Variants in ELP4 observed in about 807,000 individuals in gnomAD.
ELP4 encodes elongator acetyltransferase complex subunit 4, also known as elongator complex protein 4.
A neutral mutation model predicts 48.9 loss-of-function variants in ELP4; 51 were observed. That is an observed-to-expected ratio of 1.04 (90% CI 0.83 to 1.32). The LOEUF (loss-of-function observed/expected upper bound fraction) is 1.32. Among genes scored for constraint, ELP4 ranks in the 40% most tolerant of loss-of-function variants. The pLI, the probability that ELP4 is intolerant of heterozygous loss-of-function variation, is 0.00. For synonymous variants in ELP4, 210 were observed against 189.2 expected, an observed-to-expected ratio of 1.11 and a Z score of -0.90; for missense variants, 519 against 514.6, an observed-to-expected ratio of 1.01 and a Z score of -0.08.
chr11:31,657,154 A>G (rs1945455050), intron 9 of ELP4, among the ~76,000 whole-genome samples: 2 of 152,072 alleles, frequency 1.3e-5, no homozygotes, highest in African/African-American at 2.4e-5. Flanking sequence ...TGATGTAGGT[A>G]GTTTTACAGA....
At chr11:31,621,396 T>A (rs1034740771) in intron 5 of ELP4, among the ~76,000 whole-genome samples, 3 of 151,940 alleles carry the variant, frequency 2.0e-5, no homozygotes, top group Admixed American at 2.0e-4. Flanking sequence ...AAGCAATGAC[T>A]GATTTTAATG....
chr11:31,663,712 G>A (rs1388826924), intron 9 of ELP4: 3 of 151,784 alleles, frequency 2.0e-5, no homozygotes, highest in Non-Finnish European at 4.4e-5. Flanking sequence ...GAATTTCTTA[G>A]ACAAGTAAAC....
intron 9 of ELP4, chr11:31,767,254 G>A (rs779375119): frequency 2.0e-5 from 3 of 152,074 alleles, no homozygotes; most frequent in Non-Finnish European, 4.4e-5. Context: ...ATGAAATGAC[G>A]GCAAACTTCA....
intron 2 of ELP4, among the ~76,000 whole-genome samples, chr11:31,536,311 T>C (rs1269021508): frequency 1.3e-5 from 2 of 152,174 alleles, no homozygotes; most frequent in Admixed American, 6.5e-5. Context: ...AATAAGTGTT[T>C]GTTTAACTTT....
At chr11:31,738,361 G>T (rs1246953055) in intron 9 of ELP4, among the ~76,000 whole-genome samples, 1 of 151,710 alleles carries the variant, frequency 6.6e-6, no homozygotes, top group Non-Finnish European at 1.5e-5. Context: ...GCAGTGAGCT[G>T]TGATTACACC....
At chr11:31,763,991 T>C (rs1349188642) in intron 9 of ELP4, among the ~76,000 whole-genome samples, 1 of 152,212 alleles carries the variant, frequency 6.6e-6, no homozygotes, top group African/African-American at 2.4e-5. Flanking sequence ...AGCTTTATTG[T>C]CAGAAATGAA....
chr11:31,665,545 A>G (rs1458960958), intron 9 of ELP4, among the ~76,000 whole-genome samples: 1 of 151,976 alleles, frequency 6.6e-6, no homozygotes, highest in Non-Finnish European at 1.5e-5. Flanking sequence ...TATTATTGAT[A>G]TACCATAATC....
At chr11:31,552,080 T>C (rs745972247) in intron 3 of ELP4, among the ~76,000 whole-genome samples, 11 of 152,186 alleles carry the variant, frequency 7.2e-5, no homozygotes, top group Non-Finnish European at 1.2e-4. Context: ...ACTTGCCTCA[T>C]CAATAGCACT....
intron 9 of ELP4, among the ~76,000 whole-genome samples, chr11:31,775,985 T>C (rs1262162710): frequency 6.6e-6 from 1 of 151,190 alleles, no homozygotes; most frequent in Non-Finnish European, 1.5e-5. Flanking sequence ...TAAATAAAAA[T>C]TAAAAATTAA....
chr11:31,597,658 G>A (rs1481100832), intron 4 of ELP4, among the ~76,000 whole-genome samples: 5 of 152,024 alleles, frequency 3.3e-5, no homozygotes, highest in East Asian at 3.9e-4. Flanking sequence ...TGCAACCTCC[G>A]CCTCCCAGGT....
Position 31,530,709 on chromosome 11 carries a change from T to C in ELP4, c.260-8953T>C, listed in dbSNP as rs944653259. On this transcript the variant is annotated intron_variant, in intron 2 of 9. Transcript: ENST00000640961. ...ATGAAATTCCATTTCCGTTTTATAG[T>C]CCAACAGATATTTGAAGACAGCTAT... is the stretch of plus-strand genomic sequence containing the variant. Among the ~76,000 whole-genome samples the C allele has an allele frequency of 1.4e-4, 21 of 152,170 alleles. 1 individual carries two copies. The highest frequency in any genetic ancestry group is 2.9e-4 in the Non-Finnish European group (20 of 68,014).
intron 9 of ELP4, chr11:31,689,443 T>G (rs2134135890): frequency 1.2e-5 from 1 of 83,114 alleles, no homozygotes; most frequent in Non-Finnish European, 3.3e-5. Context: ...GAACCTGTCT[T>G]TAAAAAAAAA....
chr11:31,559,110 A>G (rs992937777), intron 3 of ELP4, among the ~76,000 whole-genome samples: 2 of 152,206 alleles, frequency 1.3e-5, no homozygotes, highest in African/African-American at 4.8e-5. Flanking sequence ...AAGGCAGCAC[A>G]CTGTCAAGGG....
chr11:31,559,860 G>A (rs1296193420), intron 3 of ELP4, among the ~76,000 whole-genome samples: 9 of 146,626 alleles, frequency 6.1e-5, no homozygotes, highest in African/African-American at 2.3e-4. Context: ...CTGAGATTGC[G>A]CCATTGCACT....
At chr11:31,755,960 C>T (rs1418703426) in intron 9 of ELP4, among the ~76,000 whole-genome samples, 1 of 152,198 alleles carries the variant, frequency 6.6e-6, no homozygotes, top group Non-Finnish European at 1.5e-5. Flanking sequence ...AGCAACACCA[C>T]AACAACTTTT....
chr11:31,684,216 T>C (rs1158305715), intron 9 of ELP4, among the ~76,000 whole-genome samples: 2 of 146,718 alleles, frequency 1.4e-5, no homozygotes, highest in East Asian at 3.9e-4. Flanking sequence ...AAGATAATCT[T>C]AAAAAAAAAA....
chr11:31,641,514 C>A (rs1385672175), intron 7 of ELP4, among the ~76,000 whole-genome samples: 1 of 151,594 alleles, frequency 6.6e-6, no homozygotes, highest in Non-Finnish European at 1.5e-5. Flanking sequence ...ATATTTTTGC[C>A]AAATTGATCT....
At chr11:31,734,021 A>G (rs1947250654) in intron 9 of ELP4, among the ~76,000 whole-genome samples, 2 of 152,192 alleles carry the variant, frequency 1.3e-5, no homozygotes, top group Admixed American at 1.3e-4. Context: ...CATACATCAT[A>G]CCAAATGGAA....
At chr11:31,536,893 T>C (rs1592093419) in intron 2 of ELP4, among the ~76,000 whole-genome samples, 2 of 152,370 alleles carry the variant, frequency 1.3e-5, no homozygotes, top group East Asian at 3.9e-4. Flanking sequence ...TCCTCTACTA[T>C]GTATATGTAT....
Sources: gnomAD v4.1 joint callset for allele counts (sites outside exome capture counted in the v4.1 genomes callset) on GRCh38, gnomAD v4.1.1 for gene constraint, MANE v1.5 for transcripts, NCBI Gene and HGNC (gene_info 2026-07-23, HGNC 2026-07-21) for gene names.